LRRC47: variants seen among roughly 807,000 people sequenced by gnomAD.
The protein encoded by LRRC47 is leucine-rich repeat-containing protein 47.
A neutral mutation model predicts 40.9 loss-of-function variants in LRRC47; 31 were observed. The ratio of observed to expected loss-of-function variants is 0.76; its 90% CI spans 0.57 to 1.02. The LOEUF is 1.02. Among genes scored for constraint, LRRC47 ranks in the 50% least tolerant of loss-of-function variants. The probability of loss-of-function intolerance (pLI) is 0.00; values close to 1 mark genes in which losing one functional copy is unlikely to be tolerated. For missense variants in LRRC47, 726 were observed against 796.1 expected (o/e 0.91, Z 1.06); for synonymous variants, 427 against 371.9 (o/e 1.15, Z -1.70).
Position 3,796,016 on chromosome 1 carries a change from C to A in LRRC47, c.461G>T (p.Arg154Leu). ...LPADLARCAP[R>L]LQSLNLTGNC... ...GCCGGTGAGGTTGAGGCTCTGCAGG[C>A]GCGGGGCGCAGCGCGCCAGGTCGGC... The change falls in exon 1 of 7, where the codon CGC becomes CTC. Residue 154 changes from arginine (R) to leucine (L), a missense_variant. Coordinates refer to ENST00000378251, the MANE Select transcript of LRRC47 (RefSeq NM_020710.3). 1.3e-6 allele frequency: 2 copies of A among 1,552,762 alleles called. No individual in the cohort carries two copies. Among genetic ancestry groups the A allele is most frequent in the South Asian group, 1.2e-5 (1 of 84,656 alleles).
Position 3,784,080 on chromosome 1 carries a change from G to A in LRRC47, c.1226C>T (p.Ala409Val), listed in dbSNP as rs375328574. 5.6e-6 allele frequency: 9 copies of A among 1,612,820 alleles called. No homozygotes were observed. The highest frequency in any genetic ancestry group is 7.6e-6 in the Non-Finnish European group (9 of 1,179,546). Residue 409 changes from alanine (A) to valine (V), a missense_variant, in exon 4 of 7, where the codon GCC (alanine) becomes GTC (valine). By Grantham distance (64) the Ala-to-Val change is moderately conservative. Transcript: ENST00000378251. Reference protein sequence around the residue: ...IVPLGRKEAKAKELVRQLQLE... With the variant: ...IVPLGRKEAKVKELVRQLQLE... ...CTGCAGCTGCCGCACCAGCTCCTTGGCCTTGGCTTCTTTCCGCCCCAAGGG... is the reference window on the plus strand; with the variant it reads ...CTGCAGCTGCCGCACCAGCTCCTTGACCTTGGCTTCTTTCCGCCCCAAGGG...
intron 1 of LRRC47, among the ~76,000 whole-genome samples, chr1:3,787,548 T>C (rs977546051): frequency 2.0e-5 from 3 of 152,088 alleles, no homozygotes; most frequent in Non-Finnish European, 4.4e-5. Flanking sequence ...CAGCCACGGT[T>C]AACAGTGATC....
At chr1:3,782,413 G>A (rs1032496540) in intron 5 of LRRC47, among the ~76,000 whole-genome samples, 1 of 152,100 alleles carries the variant, frequency 6.6e-6, no homozygotes, top group Non-Finnish European at 1.5e-5. Flanking sequence ...TCCTGCCTCA[G>A]CCTCCCGAGT....
rs201891543 is a variant in LRRC47 at position 3,782,727 on chromosome 1, C to A, written c.1347G>T (p.Pro449=). The A allele has an allele frequency of 5.3e-4, 853 of 1,612,342 alleles. 8 individuals are homozygous for A. The South Asian group carries it at 8.8e-3, about 17-fold the overall frequency. ...LHLLDGNENY[P]CLVDADGDVI... Reference sequence around the variant, plus strand: ...CATCACCGTCTGCATCCACAAGACACGGGTAATTTTCATTTCCATCCAGCA... The same window carrying A: ...CATCACCGTCTGCATCCACAAGACAAGGGTAATTTTCATTTCCATCCAGCA... The change falls in exon 5 of 7, where the codon CCG becomes CCT. Residue 449 remains proline (P), a synonymous_variant. Transcript: ENST00000378251.
rs1366272140 is a variant in LRRC47, at chr1:3,780,119, T to C, written c.*969A>G. 1 of 152,214 alleles carries C rather than the reference T, an allele frequency of 6.6e-6. No individual in the cohort carries two copies. The highest frequency in any genetic ancestry group is 6.5e-5 in the Admixed American group (1 of 15,274). The allele number at this position is 152,214 out of a possible 1,614,324, so 9.4% of individuals were successfully genotyped here. On this transcript the variant is annotated 3_prime_UTR_variant, in exon 7 of 7. Coordinates refer to ENST00000378251, the MANE Select transcript of LRRC47 (RefSeq NM_020710.3). ...GCACATCGGTTGGCTTCCCAAGTTTTCGGGTCTCCGAACCAGTGACAGTCA... is the reference window on the plus strand; with the variant it reads ...GCACATCGGTTGGCTTCCCAAGTTTCCGGGTCTCCGAACCAGTGACAGTCA...
chr1:3,795,940 G>A lies in LRRC47; in HGVS notation c.537C>T (p.Pro179=), dbSNP rs759174856. 6.2e-7 allele frequency: 1 copy of A among 1,601,172 alleles called. No homozygotes were observed. Among genetic ancestry groups the A allele is most frequent in the Non-Finnish European group, 8.5e-7 (1 of 1,176,814 alleles). ...CAGCAGCCGCCAGTTCACTGAGCAG[G>A]GGCAGCGCGCCGGGGCGAAAGAGCT... The part of the protein sequence containing the change: ...PAELFRPGAL[P]LLSELAAADN... Residue 179 remains proline, a synonymous_variant, in exon 1 of 7, where the codon CCC becomes CCT. Coordinates refer to ENST00000378251, the MANE Select transcript of LRRC47 (RefSeq NM_020710.3).
chr1:3,790,007 G>A (rs1479077537), intron 1 of LRRC47, among the ~76,000 whole-genome samples: 1 of 152,186 alleles, frequency 6.6e-6, no homozygotes, highest in East Asian at 1.9e-4. Flanking sequence ...GGTGGCTAGG[G>A]GTCCTCCTGA....
At position 3,796,451 on chromosome 1, in the gene LRRC47, G is replaced by A. The variant is rs1161095397; in HGVS notation, c.26C>T (p.Ser9Phe). 5 of 1,520,206 alleles carry A rather than the reference G, an allele frequency of 3.3e-6. No homozygotes were observed. Among genetic ancestry groups the A allele is most frequent in the African/African-American group, 1.4e-5 (1 of 69,662 alleles). 94.2% of individuals were successfully genotyped at this position (1,520,206 alleles called of 1,614,324 possible). A position where few individuals can be genotyped will look rare whatever the true frequency, so the allele number is the denominator to read the frequency against. Residue 9 changes from serine to phenylalanine, a missense_variant, in exon 1 of 7, where the codon TCT becomes TTT. By Grantham distance (155) the Ser-to-Phe change is radical (BLOSUM62 -2). Transcript: ENST00000378251. ...CTCAGCCAGCTCCAGCTCCGGCCAA[G>A]ACTCTGACACCGCTGCCGCCGCCAT... is the stretch of plus-strand genomic sequence containing the variant. MAAAAVSE[S>F]WPELELAERE...
chr1:3,789,601 G>A (rs569530069), intron 1 of LRRC47, among the ~76,000 whole-genome samples: 16 of 152,378 alleles, frequency 1.1e-4, no homozygotes, highest in Admixed American at 2.6e-4. Flanking sequence ...CTCGGAGAAG[G>A]GTCTTCCTTC....
chr1:3,790,739 G>C (rs1570740286), intron 1 of LRRC47, among the ~76,000 whole-genome samples: 1 of 152,262 alleles, frequency 6.6e-6, no homozygotes. Context: ...CAGTGGCTGG[G>C]AGGAAAGAGG....
intron 5 of LRRC47, among the ~76,000 whole-genome samples, chr1:3,782,220 C>T (rs1229645069): frequency 2.0e-5 from 3 of 147,460 alleles, no homozygotes; most frequent in East Asian, 2.0e-4. Context: ...TCTTCCTCTT[C>T]TTTTTTTTTT....
Position 3,796,486 on chromosome 1 carries a change from G to C in LRRC47, c.-10C>G. On this transcript the variant is annotated 5_prime_UTR_variant, in exon 1 of 7. Coordinates refer to ENST00000378251, the MANE Select transcript of LRRC47 (RefSeq NM_020710.3). ...CCGCTGCCGCCGCCATGGCGCCTCA[G>C]CTGCTGGCAGGCACCCACCCACCAG... The C allele has an allele frequency of 6.7e-7, 1 of 1,503,018 alleles. No homozygotes were observed. Among genetic ancestry groups the C allele is most frequent in the Non-Finnish European group, 8.8e-7 (1 of 1,134,684 alleles). 93.1% of individuals were successfully genotyped at this position (1,503,018 alleles called of 1,614,324 possible). A position where few individuals can be genotyped will look rare whatever the true frequency, so the allele number is the denominator to read the frequency against.
At position 3,781,100 on chromosome 1, in the gene LRRC47, A is replaced by G. The variant is rs1375574782; in HGVS notation, c.1740T>C (p.Thr580=). Residue 580 remains threonine, a synonymous_variant, in exon 7 of 7, where the codon ACT becomes ACC. Coordinates refer to ENST00000378251, the MANE Select transcript of LRRC47 (RefSeq NM_020710.3). ...GGCGGCCCTGGCGTCAGCGCACGAC[A>G]GTCACGTGGGGAGGGGCAGTGGCCA... is the stretch of plus-strand genomic sequence containing the variant. The part of the protein sequence containing the change: ...ADLATAPPHV[T]VVR 1.9e-6 allele frequency: 3 copies of G among 1,613,780 alleles called. No homozygotes were observed. The highest frequency in any genetic ancestry group is 2.7e-5 in the African/African-American group (2 of 74,940).
chr1:3,787,241 C>A lies in LRRC47; in HGVS notation c.685G>T (p.Glu229Ter). 6.2e-7 allele frequency: 1 copy of A among 1,613,702 alleles called. No homozygotes were observed. The highest frequency in any genetic ancestry group is 2.2e-5 in the East Asian group (1 of 44,884). ...AGCTTGTTCCCACGGAAATTGATCT[C>A]CTTGAGCTTGGGGCAGTCCGCAAGC... Reference protein sequence around the residue: ...AELADCPKLKEINFRGNKLRD... With the variant: ...AELADCPKLK The change falls in exon 2 of 7, where the codon GAG becomes TAG. Residue 229 changes from glutamate (E) to a stop codon, truncating the protein, a stop_gained. Transcript: ENST00000378251. LOFTEE classifies it high-confidence loss of function.
Position 3,795,948 on chromosome 1 carries a change from C to A in LRRC47, c.529G>T (p.Ala177Ser). Reference protein sequence around the residue: ...SFPAELFRPGALPLLSELAAA... With the variant: ...SFPAELFRPGSLPLLSELAAA... ...GCCAGTTCACTGAGCAGGGGCAGCG[C>A]GCCGGGGCGAAAGAGCTCGGCGGGA... The change falls in exon 1 of 7, where the codon GCG becomes TCG. Residue 177 changes from alanine (A) to serine (S), a missense_variant. Coordinates refer to ENST00000378251, the MANE Select transcript of LRRC47 (RefSeq NM_020710.3). 6 of 1,598,582 alleles carry A rather than the reference C, an allele frequency of 3.8e-6. No individual in the cohort carries two copies. The highest frequency in any genetic ancestry group is 5.1e-6 in the Non-Finnish European group (6 of 1,175,286).
chr1:3,782,706 A>T lies in LRRC47; in HGVS notation c.1368T>A (p.Gly456=). 6.2e-7 allele frequency: 1 copy of T among 1,613,252 alleles called. No individual in the cohort carries two copies. The highest frequency in any genetic ancestry group is 1.1e-5 in the South Asian group (1 of 91,062). ...TTATTGGTGGGAAGGAAATCACATC[A>T]CCGTCTGCATCCACAAGACACGGGT... ...ENYPCLVDAD[G]DVISFPPITN... Residue 456 remains glycine (G), a synonymous_variant, in exon 5 of 7, where the codon GGT becomes GGA. Coordinates refer to ENST00000378251, the MANE Select transcript of LRRC47 (RefSeq NM_020710.3).
Position 3,796,463 on chromosome 1 carries a change from G to T in LRRC47, c.14C>A (p.Ala5Glu), listed in dbSNP as rs117033631. The change falls in exon 1 of 7, where the codon GCG becomes GAG. Residue 5 changes from alanine to glutamate, a missense_variant. Physicochemically the swap from Ala to Glu is moderately radical, Grantham distance 107. Coordinates refer to ENST00000378251, the MANE Select transcript of LRRC47 (RefSeq NM_020710.3). Reference sequence around the variant, plus strand: ...CAGCTCCGGCCAAGACTCTGACACCGCTGCCGCCGCCATGGCGCCTCAGCT... The same window carrying T: ...CAGCTCCGGCCAAGACTCTGACACCTCTGCCGCCGCCATGGCGCCTCAGCT... Reference protein sequence around the residue: MAAAAVSESWPELEL... With the variant: MAAAEVSESWPELEL... 25 of 1,508,888 alleles carry T rather than the reference G, an allele frequency of 1.7e-5. No homozygotes were observed. Among genetic ancestry groups the T allele is most frequent in the East Asian group, 1.4e-4 (5 of 36,490 alleles). 93.5% of individuals were successfully genotyped at this position (1,508,888 alleles called of 1,614,324 possible).
In LRRC47 at chr1:3,781,601, C is replaced by G. The variant is rs1289301271; in HGVS notation, c.1414G>C (p.Val472Leu). 6.2e-7 allele frequency: 1 copy of G among 1,610,618 alleles called. No individual in the cohort carries two copies. ...PPITNSEKTK[V>L]KKTTSDLFLE... ...AACAAATCAGAAGTCGTTTTCTTAA[C>G]CTTAAAAGAAAAAAACATTTCAGAA... is the stretch of plus-strand genomic sequence containing the variant. The change falls in exon 6 of 7, where the codon GTT (valine) becomes CTT (leucine). Residue 472 changes from valine (V) to leucine (L), a missense_variant and splice_region_variant. Val to Leu is a conservative substitution (Grantham distance 32, BLOSUM62 1). Coordinates refer to ENST00000378251, the MANE Select transcript of LRRC47 (RefSeq NM_020710.3).
At position 3,796,130 on chromosome 1, in the gene LRRC47, G is replaced by C. The variant is rs772391933; in HGVS notation, c.347C>G (p.Pro116Arg). Residue 116 changes from proline (P) to arginine (R), a missense_variant, in exon 1 of 7, where the codon CCG (proline) becomes CGG (arginine). Physicochemically the swap from Pro to Arg is moderately radical, Grantham distance 103 (BLOSUM62 -2). Transcript: ENST00000378251. Reference sequence around the variant, plus strand: ...CTCGGCGGGGCCCAGGCCTTGGCCCGGCGGCAGCGCCTCCAGCGCGTTGCC... The same window carrying C: ...CTCGGCGGGGCCCAGGCCTTGGCCCCGCGGCAGCGCCTCCAGCGCGTTGCC... ...LSGNALEALP[P>R]GQGLGPAEPP... is the part of the protein sequence containing the mutation. The C allele has an allele frequency of 7.0e-4, 1,000 of 1,432,100 alleles. 1 individual carries two copies. The highest frequency in any genetic ancestry group is 8.4e-4 in the Non-Finnish European group (921 of 1,100,648). The allele number at this position is 1,432,100 out of a possible 1,614,324, so 88.7% of individuals were successfully genotyped here. A position where few individuals can be genotyped will look rare whatever the true frequency, so the allele number is the denominator to read the frequency against.
Sources: gnomAD v4.1 joint callset for allele counts (sites outside exome capture counted in the v4.1 genomes callset) on GRCh38, gnomAD v4.1.1 for gene constraint, MANE v1.5 for transcripts, NCBI Gene and HGNC (gene_info 2026-07-23, HGNC 2026-07-21) for gene names.